Variants in MTHFD2L observed in about 807,000 individuals in gnomAD.
MTHFD2L encodes methylenetetrahydrofolate dehydrogenase (NADP+ dependent) 2 like, also known as bifunctional methylenetetrahydrofolate dehydrogenase/cyclohydrolase 2, mitochondrial.
Under a neutral mutation model 34.9 loss-of-function variants are expected in MTHFD2L, and 29 were observed. The observed-to-expected ratio is 0.83, with a 90% CI of 0.62 to 1.13. The LOEUF (loss-of-function observed/expected upper bound fraction) is 1.13. Among genes scored for constraint, MTHFD2L ranks in the 50% most tolerant of loss-of-function variants. The probability of loss-of-function intolerance (pLI) is 0.00; values close to 1 mark genes in which losing one functional copy is unlikely to be tolerated. For missense variants in MTHFD2L, 481 were observed against 446.5 expected (o/e 1.08, Z -0.70); for synonymous variants, 167 against 155.7 (o/e 1.07, Z -0.54).
intron 5 of MTHFD2L, among the ~76,000 whole-genome samples, chr4:74,218,624 C>A (rs1037790800): frequency 6.0e-5 from 9 of 150,496 alleles, no homozygotes; most frequent in Non-Finnish European, 1.0e-4. Flanking sequence ...GCCCCCCCCC[C>A]ACCACCAAAA....
intron 3 of MTHFD2L, among the ~76,000 whole-genome samples, chr4:74,197,366 C>T (rs1733666363): frequency 6.6e-6 from 1 of 152,056 alleles, no homozygotes; most frequent in African/African-American, 2.4e-5. Flanking sequence ...ACTCATATAA[C>T]AAAAGGAAGT....
At chr4:74,146,423 A>G (rs189075309) in intron 1 of MTHFD2L, among the ~76,000 whole-genome samples, 2 of 152,218 alleles carry the variant, frequency 1.3e-5, no homozygotes, top group Non-Finnish European at 2.9e-5. Flanking sequence ...TAATACTGTT[A>G]TGCACATTCA....
upstream of MTHFD2L, chr4:74,123,421 A>G (rs1236046719): frequency 1.3e-5 from 2 of 152,180 alleles, no homozygotes; most frequent in East Asian, 3.8e-4. Flanking sequence ...GCACTGTGTG[A>G]AGGTAGGCTC....
intron 6 of MTHFD2L, among the ~76,000 whole-genome samples, chr4:74,238,049 T>C (rs77184591): frequency 0.013 from 1,910 of 152,300 alleles, 25 homozygotes; most frequent in Non-Finnish European, 0.021. Context: ...ATTAGATCTA[T>C]AGTCATTATT....
At chr4:74,245,632 C>A (rs1437036969) in intron 6 of MTHFD2L, among the ~76,000 whole-genome samples, 2 of 152,208 alleles carry the variant, frequency 1.3e-5, no homozygotes, top group East Asian at 3.9e-4. Flanking sequence ...CCCTCCTCCC[C>A]CTACCCCACA....
chr4:74,248,836 G>A (rs879826291), intron 6 of MTHFD2L, among the ~76,000 whole-genome samples: 85 of 151,856 alleles, frequency 5.6e-4, no homozygotes, highest in Non-Finnish European at 1.1e-3. Context: ...TTGCACTGTG[G>A]TCTGAGAGAC....
intron 3 of MTHFD2L, among the ~76,000 whole-genome samples, chr4:74,188,611 G>C (rs1260808713): frequency 2.0e-5 from 3 of 151,900 alleles, no homozygotes; most frequent in Non-Finnish European, 4.4e-5. Context: ...ATTATGAAGA[G>C]AGTAGGAGGA....
At chr4:74,118,878 C>T (rs1721701081), upstream of MTHFD2L, among the ~76,000 whole-genome samples, 1 of 152,204 alleles carries the variant, frequency 6.6e-6, no homozygotes, top group African/African-American at 2.4e-5. Flanking sequence ...TAGGAGTGCA[C>T]ACCCTATTGT....
At chr4:74,209,804 C>G (rs1735991237) in intron 5 of MTHFD2L, among the ~76,000 whole-genome samples, 1 of 152,180 alleles carries the variant, frequency 6.6e-6, no homozygotes, top group Non-Finnish European at 1.5e-5. Flanking sequence ...AATTTACACT[C>G]CCACCAACAG....
chr4:74,211,190 A>G (rs1010480498), intron 5 of MTHFD2L, among the ~76,000 whole-genome samples: 1 of 152,054 alleles, frequency 6.6e-6, no homozygotes, highest in Non-Finnish European at 1.5e-5. Flanking sequence ...CTCTTGCCTG[A>G]TTGCCCTGGC....
At chr4:74,213,345 C>CT (rs1193900853) in intron 5 of MTHFD2L, among the ~76,000 whole-genome samples, 11 of 152,142 alleles carry the variant, frequency 7.2e-5, no homozygotes, top group African/African-American at 2.7e-4. Flanking sequence ...TCAGTTTTTA[C>CT]TTTCCATATT....
chr4:74,211,407 TTATTGAAGGCCTTTTCCGCATC>T (rs1736298187), intron 5 of MTHFD2L, among the ~76,000 whole-genome samples: 2 of 152,210 alleles, frequency 1.3e-5, no homozygotes, highest in African/African-American at 4.8e-5. Flanking sequence ...GTGTTGAATT[TTATTGAAGGCCTTTTCCGCATC>T]TATTGAGATA....
At chr4:74,183,338 A>C (rs919944003) in intron 3 of MTHFD2L, 1 of 152,140 alleles carries the variant, frequency 6.6e-6, no homozygotes, top group Non-Finnish European at 1.5e-5. Context: ...AAAACTAAAA[A>C]CAATTATTTA....
At chr4:74,296,256 C>A (rs1275712106) in intron 7 of MTHFD2L, among the ~76,000 whole-genome samples, 1 of 152,062 alleles carries the variant, frequency 6.6e-6, no homozygotes, top group Non-Finnish European at 1.5e-5. Context: ...CAATGAAGAT[C>A]CATCAAATGT....
intron 1 of MTHFD2L, among the ~76,000 whole-genome samples, chr4:74,142,108 G>A (rs1453359192): frequency 2.6e-5 from 4 of 152,142 alleles, no homozygotes; most frequent in East Asian, 1.9e-4. Flanking sequence ...TATCCCAAAA[G>A]GCTGAACTGG....
chr4:74,130,775 T>C (rs1408679669), intron 1 of MTHFD2L, among the ~76,000 whole-genome samples: 3 of 152,128 alleles, frequency 2.0e-5, no homozygotes, highest in African/African-American at 4.8e-5. Context: ...GGTATTCAAA[T>C]AGGAATAGAG....
At chr4:74,167,398 C>A (rs6841682) in intron 1 of MTHFD2L, among the ~76,000 whole-genome samples, 146,442 of 152,340 alleles carry the variant, frequency 0.96, 70,647 homozygotes, top group East Asian at 1. Context: ...TTAGGGAAAC[C>A]TGGCACCACA....
chr4:74,157,087 A>G (rs190717654), upstream of MTHFD2L: 4 of 152,472 alleles, frequency 2.6e-5, no homozygotes, highest in East Asian at 7.7e-4. Flanking sequence ...TTTTATCTAA[A>G]GTCTCATTGC....
intron 6 of MTHFD2L, among the ~76,000 whole-genome samples, chr4:74,243,196 A>G (rs1467884867): frequency 6.6e-6 from 1 of 152,160 alleles, no homozygotes; most frequent in East Asian, 1.9e-4. Flanking sequence ...GCCAAGAAAG[A>G]CTTTTGTAGT....
Sources: gnomAD v4.1 joint callset for allele counts (sites outside exome capture counted in the v4.1 genomes callset) on GRCh38, gnomAD v4.1.1 for gene constraint, MANE v1.5 for transcripts, NCBI Gene and HGNC (gene_info 2026-07-23, HGNC 2026-07-21) for gene names.